CENPL: variants seen among roughly 807,000 people sequenced by gnomAD.
CENPL encodes the protein interphase centromere complex protein 33.
A neutral mutation model predicts 35.2 loss-of-function variants in CENPL; 20 were observed. That is an observed-to-expected ratio of 0.57 (90% confidence interval 0.40 to 0.83). The LOEUF (loss-of-function observed/expected upper bound fraction) is 0.83. Among genes scored for constraint, CENPL ranks in the 40% least tolerant of loss-of-function variants. The pLI is 0.00. For missense variants in CENPL, 363 were observed against 395.8 expected, an observed-to-expected ratio of 0.92 and a Z score of 0.70; for synonymous variants, 140 against 140.6, an observed-to-expected ratio of 1.00 and a Z score of 0.03.
In CENPL at chr1:173,807,511, A is replaced by G; in HGVS notation, c.176T>C (p.Val59Ala). The change falls in exon 4 of 6, where the codon GTT becomes GCT. Residue 59 changes from valine (V) to alanine (A), a missense_variant. By Grantham distance (64) the Val-to-Ala change is moderately conservative (BLOSUM62 0). Transcript: ENST00000682279. Reference protein sequence around the residue: ...IPQCSQLQEDVDPQKVAFLLH... With the variant: ...IPQCSQLQEDADPQKVAFLLH... ...AAGGAATGCAACCTTTTGAGGGTCA[A>G]CATCTTCCTATAAAAAAAAATCAAG... 6.8e-7 allele frequency: 1 copy of G among 1,465,038 alleles called. No individual in the cohort carries two copies. The highest frequency in any genetic ancestry group is 1.6e-5 in the South Asian group (1 of 64,054). The allele number at this position is 1,465,038 out of a possible 1,614,324, so 90.8% of individuals were successfully genotyped here. A position where few individuals can be genotyped will look rare whatever the true frequency, so the allele number is the denominator to read the frequency against.
chr1:173,822,017 T>G (rs905792217), intron 2 of CENPL: 2 of 152,074 alleles, frequency 1.3e-5, no homozygotes, highest in African/African-American at 4.8e-5. Context: ...TACAGGATCC[T>G]TTTCTTTCAC....
At chr1:173,813,800 G>A (rs908875544) in intron 2 of CENPL, among the ~76,000 whole-genome samples, 8 of 152,100 alleles carry the variant, frequency 5.3e-5, no homozygotes, top group African/African-American at 1.9e-4. Flanking sequence ...ACATCATAAT[G>A]TCAGGATCAG....
intron 4 of CENPL, among the ~76,000 whole-genome samples, chr1:173,805,372 T>C (rs2102569358): frequency 6.6e-6 from 1 of 152,100 alleles, no homozygotes; most frequent in South Asian, 2.1e-4. Context: ...AAAACTAGCC[T>C]GGCACGGTGG....
At chr1:173,800,598 C>T in intron 5 of CENPL, 79 bp from the exon 6 acceptor site, 1 of 622,806 alleles carries the variant, frequency 1.6e-6, no homozygotes, top group East Asian at 2.8e-5. Flanking sequence ...TTTGAATAAT[C>T]AATGTTATAT....
intron 2 of CENPL, among the ~76,000 whole-genome samples, chr1:173,821,176 T>C (rs997507066): frequency 6.6e-6 from 1 of 152,244 alleles, no homozygotes; most frequent in Non-Finnish European, 1.5e-5. Context: ...GGTACTCTTC[T>C]AAGCCCTTTA....
intron 3 of CENPL, among the ~76,000 whole-genome samples, chr1:173,808,265 C>T (rs1557845730): frequency 6.6e-6 from 1 of 151,864 alleles, no homozygotes; most frequent in Non-Finnish European, 1.5e-5. Flanking sequence ...AATAAATAAG[C>T]CAGGCATGGT....
At chr1:173,804,667 A>C (rs1190663477) in intron 4 of CENPL, among the ~76,000 whole-genome samples, 1 of 152,202 alleles carries the variant, frequency 6.6e-6, no homozygotes, top group Non-Finnish European at 1.5e-5. Context: ...CCCAACTTAT[A>C]CTGAGGCTGT....
At chr1:173,809,589 C>T (rs533316369) in intron 3 of CENPL, among the ~76,000 whole-genome samples, 125 of 149,076 alleles carry the variant, frequency 8.4e-4, no homozygotes, top group African/African-American at 2.9e-3. Context: ...GAGTGAGACA[C>T]TCTCTAAAAA....
intron 2 of CENPL, among the ~76,000 whole-genome samples, chr1:173,817,223 C>A (rs1033544768): frequency 6.6e-6 from 1 of 151,898 alleles, no homozygotes; most frequent in South Asian, 2.1e-4. Context: ...AGGCAATCTA[C>A]AGAATGGGAG....
chr1:173,819,078 T>C (rs970859572), intron 2 of CENPL, among the ~76,000 whole-genome samples: 1 of 150,740 alleles, frequency 6.6e-6, no homozygotes, highest in Non-Finnish European at 1.5e-5. Context: ...CTACAAAAAA[T>C]AAAAAATAAC....
chr1:173,823,615 C>G (rs1240321243), intron 2 of CENPL: 1 of 152,250 alleles, frequency 6.6e-6, no homozygotes, highest in Non-Finnish European at 1.5e-5. Context: ...CATGTGCCAT[C>G]TCCTCAGAAG....
intron 2 of CENPL, among the ~76,000 whole-genome samples, chr1:173,816,772 G>A (rs1651421894): frequency 6.6e-6 from 1 of 152,176 alleles, no homozygotes; most frequent in African/African-American, 2.4e-5. Context: ...ACACAGGCAT[G>A]GGCAAGGACT....
At position 173,803,352 on chromosome 1, in the gene CENPL, T is replaced by C. The variant is rs1468376180; in HGVS notation, c.574A>G (p.Asn192Asp). ...PLFLANGAES[N>D]TAIIGTWFQK... ...AACCAAGTTCCAATTATTGCTGTGTTAGACTCTGCTCCATTTGCAAGGAAT... is the reference window on the plus strand; with the variant it reads ...AACCAAGTTCCAATTATTGCTGTGTCAGACTCTGCTCCATTTGCAAGGAAT... Residue 192 changes from asparagine (N) to aspartate (D), a missense_variant, in exon 5 of 6, where the codon AAC becomes GAC. Asn to Asp is a conservative substitution (Grantham distance 23). Transcript: ENST00000682279. 2 of 1,614,104 alleles carry C rather than the reference T, an allele frequency of 1.2e-6. No homozygotes were observed. Among genetic ancestry groups the C allele is most frequent in the South Asian group, 1.1e-5 (1 of 91,078 alleles).
chr1:173,813,771 C>T (rs374227186), intron 2 of CENPL, among the ~76,000 whole-genome samples: 85 of 152,220 alleles, frequency 5.6e-4, no homozygotes, highest in African/African-American at 1.9e-3. Flanking sequence ...CATCAACTAA[C>T]GGGCAAAATA....
In CENPL at chr1:173,803,118, T is replaced by C; in HGVS notation, c.808A>G (p.Lys270Glu). 6.2e-7 allele frequency: 1 copy of C among 1,614,212 alleles called. No individual in the cohort carries two copies. Among genetic ancestry groups the C allele is most frequent in the Non-Finnish European group, 8.5e-7 (1 of 1,180,020 alleles). The stretch of plus-strand genomic sequence containing the variant: ...TCCTGGGTAACCTCCCCAGGTGTTT[T>C]GTGGACACTGTCCCATAGAGCTTTT... ...DAKALWDSVHKTPGEVTQEEV... is the reference protein window; with the variant it reads ...DAKALWDSVHETPGEVTQEEV... Residue 270 changes from lysine to glutamate, a missense_variant, in exon 5 of 6, where the codon AAA becomes GAA. Transcript: ENST00000682279.
intron 5 of CENPL, 101 bp downstream of exon 5, chr1:173,802,862 A>G (rs1557844017): frequency 2.6e-6 from 2 of 773,334 alleles, no homozygotes; most frequent in East Asian, 2.6e-5. Context: ...TCTTGAATAC[A>G]TTCAAGTGTG....
Position 173,803,382 on chromosome 1 carries a change from G to T in CENPL, c.544C>A (p.Pro182Thr), listed in dbSNP as rs1237303999. ...ETVSEDFTCL[P>T]LFLANGAESN... ...TCTGCTCCATTTGCAAGGAATAAGGGCAGACAGGTGAAATCTTCTGAAACA... is the reference window on the plus strand; with the variant it reads ...TCTGCTCCATTTGCAAGGAATAAGGTCAGACAGGTGAAATCTTCTGAAACA... The change falls in exon 5 of 6, where the codon CCC becomes ACC. Residue 182 changes from proline (P) to threonine (T), a missense_variant. Physicochemically the swap from Pro to Thr is conservative, Grantham distance 38. Transcript: ENST00000682279. 1 of 1,613,858 alleles carries T rather than the reference G, an allele frequency of 6.2e-7. No individual in the cohort carries two copies.
intron 2 of CENPL, chr1:173,822,563 A>G (rs1652056978): frequency 6.6e-6 from 1 of 152,112 alleles, no homozygotes; most frequent in East Asian, 1.9e-4. Flanking sequence ...TCATCGCTTC[A>G]CATCTTATTC....
intron 5 of CENPL, among the ~76,000 whole-genome samples, chr1:173,802,363 C>T (rs1185278447): frequency 6.6e-6 from 1 of 152,058 alleles, no homozygotes; most frequent in Non-Finnish European, 1.5e-5. Context: ...CCCACCACCA[C>T]GCCTGGCTAA....
Sources: allele counts gnomAD v4.1 joint callset (sites outside exome capture counted in the v4.1 genomes callset), GRCh38; gene constraint gnomAD v4.1.1; transcripts MANE v1.5; gene names NCBI Gene and HGNC (gene_info 2026-07-23, HGNC 2026-07-21).